Variants in EDIL3 observed in about 807,000 individuals in gnomAD.
The protein encoded by EDIL3 is EGF-like repeat and discoidin I-like domain-containing protein 3.
Under a neutral mutation model 67.4 loss-of-function variants are expected in EDIL3, and 37 were observed. The observed-to-expected ratio is 0.55, with a 90% CI of 0.42 to 0.72. The LOEUF (loss-of-function observed/expected upper bound fraction) is 0.72, where lower values mean the gene tolerates loss of function less well. Ranked by LOEUF, EDIL3 falls within the 30% of genes least tolerant of loss-of-function variation. The pLI is 0.00. For missense variants in EDIL3, 527 were observed against 586.3 expected (o/e 0.90, Z 1.04); for synonymous variants, 195 against 196.3 (o/e 0.99, Z 0.05).
chr5:84,275,287 A>C (rs2112100912), intron 1 of EDIL3, among the ~76,000 whole-genome samples: 1 of 152,314 alleles, frequency 6.6e-6, no homozygotes, highest in South Asian at 2.1e-4. Context: ...CTATCTGCTA[A>C]GCCACAAATA....
chr5:84,058,829 C>A (rs1746493435), intron 9 of EDIL3, among the ~76,000 whole-genome samples: 1 of 152,148 alleles, frequency 6.6e-6, no homozygotes, highest in Non-Finnish European at 1.5e-5. Context: ...TTTCTAGGTT[C>A]ATCACAAACA....
At chr5:84,300,753 T>C (rs1425871380) in intron 1 of EDIL3, among the ~76,000 whole-genome samples, 1 of 152,184 alleles carries the variant, frequency 6.6e-6, no homozygotes, top group African/African-American at 2.4e-5. Flanking sequence ...ACTACACTCT[T>C]AGGTAAACTG....
chr5:84,134,867 A>G (rs1020218375), intron 5 of EDIL3, among the ~76,000 whole-genome samples: 2 of 152,214 alleles, frequency 1.3e-5, no homozygotes, highest in Non-Finnish European at 2.9e-5. Flanking sequence ...GAAGGGAGGC[A>G]TGCCACTATC....
At chr5:84,380,202 TA>T (rs1730489426) in intron 1 of EDIL3, among the ~76,000 whole-genome samples, 1 of 151,988 alleles carries the variant, frequency 6.6e-6, no homozygotes, top group African/African-American at 2.4e-5. Flanking sequence ...TGGACTATGA[TA>T]AAAATAAAAA....
rs2112105167 is a variant in EDIL3, at chr5:84,279,323, T to C, written c.68-25111A>G. ...ATCCTGTACTCTCCTAGAGAAGTTT[T>C]CTCAACATCCCAGTGACATGCTAAA... On this transcript the variant is annotated intron_variant, in intron 1 of 10. Transcript: ENST00000296591. Among the ~76,000 whole-genome samples the C allele has an allele frequency of 1.3e-5, 2 of 152,300 alleles. 1 individual carries two copies. Among genetic ancestry groups the C allele is most frequent in the South Asian group, 4.1e-4 (2 of 4,824 alleles).
intron 1 of EDIL3, 107 bp from the exon 2 acceptor site, chr5:84,254,319 G>C (rs1580400519): frequency 2.4e-6 from 3 of 1,266,640 alleles, no homozygotes; most frequent in Non-Finnish European, 3.2e-6. Context: ...TCAAAAGTCA[G>C]GGTAATATTA....
At chr5:84,072,449 T>A (rs1164639915) in intron 6 of EDIL3, among the ~76,000 whole-genome samples, 3 of 152,126 alleles carry the variant, frequency 2.0e-5, no homozygotes, top group Non-Finnish European at 4.4e-5. Flanking sequence ...AATGTTGGAC[T>A]ACACAATATT....
At chr5:84,227,614 A>C (rs889311627) in intron 3 of EDIL3, among the ~76,000 whole-genome samples, 2 of 152,166 alleles carry the variant, frequency 1.3e-5, no homozygotes, top group Admixed American at 6.6e-5. Flanking sequence ...TATACCAACA[A>C]GACACATGCA....
At chr5:83,984,330 C>CT in intron 9 of EDIL3, among the ~76,000 whole-genome samples, 1 of 152,144 alleles carries the variant, frequency 6.6e-6, no homozygotes, top group South Asian at 2.1e-4. Context: ...ACAGGTAAAG[C>CT]TCTAAGTACA....
At chr5:84,014,755 A>T (rs1745571358) in intron 9 of EDIL3, among the ~76,000 whole-genome samples, 1 of 152,242 alleles carries the variant, frequency 6.6e-6, no homozygotes, top group African/African-American at 2.4e-5. Flanking sequence ...CCACTTTAAC[A>T]AATAACCCAG....
intron 9 of EDIL3, among the ~76,000 whole-genome samples, chr5:84,056,334 G>GC (rs1452086427): frequency 1.7e-5 from 2 of 119,436 alleles, no homozygotes; most frequent in Non-Finnish European, 3.3e-5. Context: ...GGTGGGGTGA[G>GC]GGGGGAGGTA....
intron 1 of EDIL3, among the ~76,000 whole-genome samples, chr5:84,349,322 C>G (rs893161425): frequency 1.3e-5 from 2 of 152,014 alleles, no homozygotes; most frequent in African/African-American, 4.8e-5. Flanking sequence ...CCTGAAGCAG[C>G]TTGTTTCTCC....
intron 9 of EDIL3, among the ~76,000 whole-genome samples, chr5:84,009,797 T>C (rs1745486326): frequency 6.6e-6 from 1 of 152,158 alleles, no homozygotes; most frequent in African/African-American, 2.4e-5. Flanking sequence ...ATATTGCTGG[T>C]TGTGGGAAGA....
chr5:84,073,735 G>A (rs374065982), intron 6 of EDIL3, among the ~76,000 whole-genome samples: 5 of 152,034 alleles, frequency 3.3e-5, no homozygotes, highest in East Asian at 3.9e-4. Context: ...ATGCTCATGG[G>A]TAGGAAGAAT....
intron 4 of EDIL3, among the ~76,000 whole-genome samples, chr5:84,140,510 G>T (rs774073211): frequency 4.6e-5 from 7 of 151,942 alleles, no homozygotes; most frequent in Non-Finnish European, 1.0e-4. Flanking sequence ...GGCTCATCAG[G>T]CCCCATCTAT....
chr5:84,344,717 T>C (rs1418581107), intron 1 of EDIL3, among the ~76,000 whole-genome samples: 1 of 152,084 alleles, frequency 6.6e-6, no homozygotes, highest in African/African-American at 2.4e-5. Flanking sequence ...TTGGATTAAA[T>C]AAAATATGTT....
At chr5:83,954,577 C>T (rs558243879) in intron 10 of EDIL3, among the ~76,000 whole-genome samples, 1 of 151,856 alleles carries the variant, frequency 6.6e-6, no homozygotes, top group South Asian at 2.1e-4. Context: ...TGATGCCTCA[C>T]CAGAAGCCAA....
rs952403889 is a variant in EDIL3 at position 84,194,120 on chromosome 5, G to A, written c.227-13599C>T. Among the ~76,000 whole-genome samples the A allele has an allele frequency of 3.3e-5, 5 of 151,862 alleles. No homozygotes were observed. In the South Asian group the frequency reaches 8.3e-4, roughly 25 times the overall value. ...TCTGGAGAAGTAAAAGTAAAAACAT[G>A]GAGAATGAAATACGTGATATTTGGC... is the stretch of plus-strand genomic sequence containing the variant. On this transcript the variant is annotated intron_variant, in intron 3 of 10. Transcript: ENST00000296591.
rs1363087422 is a variant in EDIL3, at chr5:83,998,595, A to G, written c.1138-35235T>C. On this transcript the variant is annotated intron_variant, in intron 9 of 10. Transcript: ENST00000296591. ...AAGCACTTTGTCTTGCAATGTGGAT[A>G]CCTGCTCAGGCACTGTAAAATAAAG... Among the ~76,000 whole-genome samples, 4 of 152,180 alleles carry G rather than the reference A, an allele frequency of 2.6e-5. No individual in the cohort carries two copies. In the East Asian group the frequency reaches 7.7e-4, roughly 29 times the overall value.
Sources: allele counts gnomAD v4.1 joint callset (sites outside exome capture counted in the v4.1 genomes callset), GRCh38; gene constraint gnomAD v4.1.1; transcripts MANE v1.5; gene names NCBI Gene and HGNC (gene_info 2026-07-23, HGNC 2026-07-21).